The following CRLF2 variants were observed in gnomAD, a reference collection of about 807,000 sequenced individuals.
The protein encoded by CRLF2 is cytokine receptor-like factor 2.
In CRLF2, 41 loss-of-function variants were observed where a neutral mutation model predicts 38.7. That is an observed-to-expected ratio of 1.06 (90% CI 0.83 to 1.37). CRLF2 has a LOEUF of 1.37. Among genes scored for constraint, CRLF2 ranks in the 40% most tolerant of loss-of-function variants. CRLF2 has a pLI of 0.00. For missense variants in CRLF2, 377 were observed against 322.2 expected (o/e 1.17, Z -1.30); for synonymous variants, 140 against 128.8 (o/e 1.09, Z -0.59).
At position 1,206,664 on chromosome X, in the gene CRLF2, T is replaced by C. The variant is rs2086697088; in HGVS notation, c.183-65A>G. ...AAAGCATGTCTTATTTATTTAGAGA[T>C]GGGGTCTTGCTCTTGTCGCCCAGGT... On this transcript the variant is annotated intron_variant, in intron 2 of 7. Transcript: ENST00000400841. The C allele has an allele frequency of 7.2e-6, 11 of 1,519,016 alleles. 1 individual carries two copies. The South Asian group carries it at 1.0e-4, about 14-fold the overall frequency. 94.1% of individuals were successfully genotyped at this position (1,519,016 alleles called of 1,614,324 possible).
chrX:1,202,646 G>A (rs2086628704), intron 3 of CRLF2, 111 bp from the exon 4 acceptor site: 1 of 1,164,608 alleles, frequency 8.6e-7, no homozygotes. Flanking sequence ...AATACCTTAT[G>A]GTGTCTCGGG....
intron 7 of CRLF2, among the ~76,000 whole-genome samples, 167 bp from the exon 8 acceptor site, chrX:1,191,327 TTCTTTC>T (rs1393689651): frequency 8.3e-6 from 1 of 120,212 alleles, no homozygotes; most frequent in African/African-American, 3.0e-5. Flanking sequence ...CTTTCTTTCT[TTCTTTC>T]TTTCTTTCTT....
At position 1,198,572 on chromosome X, in the gene CRLF2, G is replaced by A. The variant is rs752540078; in HGVS notation, c.636C>T (p.Gly212=). Residue 212 remains glycine (G), a synonymous_variant, in exon 5 of 8, where the codon GGC becomes GGT. Transcript: ENST00000400841. ...CGTAACAAGCATTACCCCGAATCTC[G>A]CCTCTCTGCCAGCATGTCACCTCTG... ...DWSEVTCWQR[G]EIRDACAETP... 4.5e-5 allele frequency: 72 copies of A among 1,613,436 alleles called. No individual in the cohort carries two copies. Among genetic ancestry groups the A allele is most frequent in the Admixed American group, 4.0e-4 (24 of 59,964 alleles).
intron 6 of CRLF2, among the ~76,000 whole-genome samples, chrX:1,194,904 C>T (rs1451641728): frequency 6.6e-5 from 10 of 151,324 alleles, no homozygotes; most frequent in Middle Eastern, 3.4e-3. Flanking sequence ...TGGTGGCGCG[C>T]ACCTGTAGTC....
chrX:1,198,635 C>A lies in CRLF2; in HGVS notation c.573G>T (p.Glu191Asp), dbSNP rs771615075. Residue 191 changes from glutamate (E) to aspartate (D), a missense_variant, in exon 5 of 8, where the codon GAG (glutamate) becomes GAT (aspartate). Coordinates refer to ENST00000400841, the MANE Select transcript of CRLF2 (RefSeq NM_022148.4). Reference sequence around the variant, plus strand: ...GGTATGTGTCTGGCCCATATACATCCTCCATAGCCTTCACCCTGACCCAGA... The same window carrying A: ...GGTATGTGTCTGGCCCATATACATCATCCATAGCCTTCACCCTGACCCAGA... ...YSFWVRVKAM[E>D]DVYGPDTYPS... 4.3e-6 allele frequency: 7 copies of A among 1,613,636 alleles called. No individual in the cohort carries two copies. The Admixed American group carries it at 1.2e-4, about 27-fold the overall frequency.
intron 5 of CRLF2, among the ~76,000 whole-genome samples, chrX:1,197,959 G>C (rs1166126222): frequency 6.6e-6 from 1 of 152,196 alleles, no homozygotes; most frequent in East Asian, 1.9e-4. Flanking sequence ...CCGAGATCGC[G>C]CCACTGCACT....
intron 2 of CRLF2, among the ~76,000 whole-genome samples, chrX:1,207,781 C>A (rs2086719253): frequency 6.6e-6 from 1 of 151,290 alleles, no homozygotes; most frequent in East Asian, 2.0e-4. Context: ...TCCTGAGTAG[C>A]TGGGATTACA....
In CRLF2 at chrX:1,212,418, G is replaced by GAAAAAAA. The variant is rs369256719; in HGVS notation, c.79+131_79+137dup. On this transcript the variant is annotated intron_variant, in intron 1 of 7. Coordinates refer to ENST00000400841, the MANE Select transcript of CRLF2 (RefSeq NM_022148.4). ...GAGGCAGGAGAATTGCTTGAACCCG[G>GAAAAAAA]AAAAAAAAAAAAAAAAAAAAGAAAA... The GAAAAAAA allele has an allele frequency of 4.7e-4, 203 of 430,376 alleles. 4 individuals carry two copies. The highest frequency in any genetic ancestry group is 1.0e-3 in the South Asian group (29 of 28,078). The allele number at this position is 430,376 out of a possible 1,614,324, so 26.7% of individuals were successfully genotyped here.
chrX:1,206,463 A>C lies in CRLF2; in HGVS notation c.319T>G (p.Phe107Val), dbSNP rs761104153. ...FSIRNGTHPV[F>V]TASRWMVYYL... The stretch of plus-strand genomic sequence containing the variant: ...TAAACCATCCAGCGACTTGCGGTGA[A>C]AACGGGGTGCGTCCCATTCCTGATG... The change falls in exon 3 of 8, where the codon TTC (phenylalanine) becomes GTC (valine). Residue 107 changes from phenylalanine (F) to valine (V), a missense_variant. Transcript: ENST00000400841. The C allele has an allele frequency of 3.0e-5, 49 of 1,613,528 alleles. No individual in the cohort carries two copies. The highest frequency in any genetic ancestry group is 2.5e-6 in the Non-Finnish European group (3 of 1,179,670).
At chrX:1,212,456 C>G in intron 1 of CRLF2, 100 bp downstream of exon 1, 1 of 715,222 alleles carries the variant, frequency 1.4e-6, no homozygotes, top group Non-Finnish European at 2.3e-6. Flanking sequence ...AGAAAGAAAC[C>G]TCCATGCTCA....
intron 4 of CRLF2, among the ~76,000 whole-genome samples, chrX:1,202,197 T>C (rs1372542592): frequency 1.3e-5 from 2 of 152,090 alleles, no homozygotes; most frequent in Non-Finnish European, 2.9e-5. Flanking sequence ...TTATTGGTTC[T>C]CTTTCTCTGG....
rs780166366 is a variant in CRLF2, at chrX:1,200,388, T to C, written c.484-1664A>G. Among the ~76,000 whole-genome samples, 57 of 124,814 alleles carry C rather than the reference T, an allele frequency of 4.6e-4. 1 individual carries two copies. The East Asian group carries it at 0.015, about 32-fold the overall frequency. The allele number at this position is 124,814 out of a possible 152,430, so 81.9% of individuals were successfully genotyped here. A position where few individuals can be genotyped will look rare whatever the true frequency, so the allele number is the denominator to read the frequency against. ...TAAATATGTGTATATAAGGTATGTA[T>C]ATATGTGTGTGTATATGTGTATATA... On this transcript the variant is annotated intron_variant, in intron 4 of 7. Coordinates refer to ENST00000400841, the MANE Select transcript of CRLF2 (RefSeq NM_022148.4).
intron 4 of CRLF2, among the ~76,000 whole-genome samples, chrX:1,199,433 T>C (rs1603396311): frequency 6.6e-6 from 1 of 151,848 alleles, no homozygotes; most frequent in African/African-American, 2.4e-5. Context: ...GCCTCCCGAG[T>C]AGCTCGGATT....
intron 4 of CRLF2, among the ~76,000 whole-genome samples, chrX:1,200,127 C>CATGTGTGTATATACGTTTGTGTATA (rs2086575580): frequency 3.3e-5 from 5 of 150,156 alleles, no homozygotes; most frequent in Non-Finnish European, 5.9e-5. Context: ...GTTTGTGTAT[C>CATGTGTGTATATACGTTTGTGTATA]TATACATGTG....
chrX:1,191,860 A>C (rs1187177005), intron 7 of CRLF2, among the ~76,000 whole-genome samples: 1 of 152,116 alleles, frequency 6.6e-6, no homozygotes, highest in East Asian at 1.9e-4. Context: ...GCCCTCCAAC[A>C]GACTGACGGA....
chrX:1,209,294 T>TGTAGTGTAG (rs2086749077), intron 1 of CRLF2, among the ~76,000 whole-genome samples: 78 of 142,524 alleles, frequency 5.5e-4, no homozygotes, highest in African/African-American at 1.4e-3. Flanking sequence ...TTGCATTGTA[T>TGTAGTGTAG]TGTAGTGTAG....
At chrX:1,195,953 T>C (rs2086467100) in intron 6 of CRLF2, among the ~76,000 whole-genome samples, 1 of 142,032 alleles carries the variant, frequency 7.0e-6, no homozygotes, top group Non-Finnish European at 1.5e-5. Context: ...ATATATATTT[T>C]ATATATAAAT....
chrX:1,201,222 T>C (rs1336358985), intron 4 of CRLF2, among the ~76,000 whole-genome samples: 3 of 152,068 alleles, frequency 2.0e-5, no homozygotes, highest in Non-Finnish European at 4.4e-5. Flanking sequence ...CCGTGGTACA[T>C]GCAGTCTGCT....
At chrX:1,195,954 A>T (rs1448156410) in intron 6 of CRLF2, among the ~76,000 whole-genome samples, 6 of 141,620 alleles carry the variant, frequency 4.2e-5, no homozygotes, top group African/African-American at 1.5e-4. Context: ...TATATATTTT[A>T]TATATAAATT....
Sources: gnomAD v4.1 joint callset for allele counts (sites outside exome capture counted in the v4.1 genomes callset) on GRCh38, gnomAD v4.1.1 for gene constraint, MANE v1.5 for transcripts, NCBI Gene and HGNC (gene_info 2026-07-23, HGNC 2026-07-21) for gene names.